Variants in NBAS observed in about 807,000 individuals in gnomAD.
NBAS encodes NAG/BC035112 fusion.
NBAS carries 219 observed loss-of-function variants against 302.5 expected under a neutral mutation model. The ratio of observed to expected loss-of-function variants is 0.72; its 90% CI spans 0.65 to 0.81. NBAS has a LOEUF of 0.81. Ranked by LOEUF, NBAS falls within the 30% of genes least tolerant of loss-of-function variation. NBAS has a pLI of 0.00. For synonymous variants in NBAS, 1,118 were observed against 1,021.6 expected, an observed-to-expected ratio of 1.09 and a Z score of -1.80; for missense variants, 2,932 against 2,841.6, an observed-to-expected ratio of 1.03 and a Z score of -0.72.
the NBAS span, among the ~76,000 whole-genome samples, chr2:14,802,806 A>G: frequency 0.54 from 72,663 of 134,128 alleles, 21,585 homozygotes; most frequent in African/African-American, 0.83. Context: ...ACCAAACACC[A>G]CATATTCTCA....
chr2:14,814,063 A>T, the NBAS span, among the ~76,000 whole-genome samples: 1 of 152,320 alleles, frequency 6.6e-6, no homozygotes, highest in African/African-American at 2.4e-5. Context: ...AGAAGGTAAG[A>T]GTTGAGGTTG....
At chr2:15,306,048 T>C (rs912444610) in intron 40 of NBAS, among the ~76,000 whole-genome samples, 1 of 152,212 alleles carries the variant, frequency 6.6e-6, no homozygotes, top group African/African-American at 2.4e-5. Context: ...TCAATGTACT[T>C]AGAGTTTTAG....
the NBAS span, among the ~76,000 whole-genome samples, chr2:15,149,376 C>T: frequency 2.0e-5 from 3 of 152,220 alleles, no homozygotes; most frequent in Admixed American, 2.0e-4. Flanking sequence ...TTAAAAATTA[C>T]CCAATCTCAG....
At chr2:15,009,693 CATATATATATATAT>C in the NBAS span, among the ~76,000 whole-genome samples, 44 of 126,572 alleles carry the variant, frequency 3.5e-4, no homozygotes, top group Non-Finnish European at 7.2e-4. Flanking sequence ...TGTAGGAATG[CATATATATATATAT>C]ATATATATAT....
At chr2:14,993,726 C>A in the NBAS span, among the ~76,000 whole-genome samples, 1 of 152,206 alleles carries the variant, frequency 6.6e-6, no homozygotes, top group African/African-American at 2.4e-5. Context: ...CTAAATCCAA[C>A]TCAAACACTC....
chr2:15,336,726 T>C (rs1343028514), intron 35 of NBAS, among the ~76,000 whole-genome samples: 1 of 150,406 alleles, frequency 6.6e-6, no homozygotes, highest in Non-Finnish European at 1.5e-5. Flanking sequence ...CAAGACTCCA[T>C]ATAGGAAAAA....
chr2:15,156,227 T>C, the NBAS span, among the ~76,000 whole-genome samples: 7 of 152,188 alleles, frequency 4.6e-5, no homozygotes, highest in Non-Finnish European at 8.8e-5. Context: ...ATAGTAGCTC[T>C]GTACAAGCCA....
the NBAS span, among the ~76,000 whole-genome samples, chr2:14,788,499 G>T: frequency 6.6e-6 from 1 of 152,044 alleles, no homozygotes; most frequent in Non-Finnish European, 1.5e-5. Context: ...ATGGGTTTTT[G>T]GTGTGGATGT....
At chr2:15,199,561 G>A (rs929611189) in intron 48 of NBAS, among the ~76,000 whole-genome samples, 8 of 152,038 alleles carry the variant, frequency 5.3e-5, no homozygotes, top group Non-Finnish European at 8.8e-5. Flanking sequence ...GAAAATTACA[G>A]GTAGTTATCA....
the NBAS span, among the ~76,000 whole-genome samples, chr2:14,945,911 T>C: frequency 6.6e-6 from 1 of 152,142 alleles, no homozygotes; most frequent in Admixed American, 6.5e-5. Flanking sequence ...TGAAACCCTG[T>C]CTCTACTAAA....
chr2:15,003,148 A>G, the NBAS span, among the ~76,000 whole-genome samples: 9 of 152,220 alleles, frequency 5.9e-5, no homozygotes, highest in African/African-American at 2.2e-4. Context: ...GGGAGAAATT[A>G]ATTTCCAGAG....
At chr2:14,960,246 CG>C in the NBAS span, among the ~76,000 whole-genome samples, 1 of 152,202 alleles carries the variant, frequency 6.6e-6, no homozygotes, top group Non-Finnish European at 1.5e-5. Flanking sequence ...TGTAGCACAG[CG>C]TTTCATCCAT....
intron 11 of NBAS, among the ~76,000 whole-genome samples, chr2:15,491,754 AG>A (rs1680866547): frequency 6.6e-6 from 1 of 151,946 alleles, no homozygotes; most frequent in African/African-American, 2.4e-5. Flanking sequence ...AAAAAAAAAA[AG>A]AAAAAGAAAA....
At chr2:14,802,133 T>C in the NBAS span, among the ~76,000 whole-genome samples, 7 of 140,480 alleles carry the variant, frequency 5.0e-5, no homozygotes, top group African/African-American at 1.9e-4. Context: ...CTAGGTTTTC[T>C]TCTAGGGTTT....
chr2:15,232,235 G>A (rs908764716), intron 47 of NBAS, among the ~76,000 whole-genome samples, 187 bp downstream of exon 47: 6 of 152,130 alleles, frequency 3.9e-5, no homozygotes, highest in Non-Finnish European at 7.3e-5. Context: ...TCCATGGCAA[G>A]CAGGACCTGG....
the NBAS span, among the ~76,000 whole-genome samples, chr2:14,793,758 C>A: frequency 6.6e-6 from 1 of 152,002 alleles, no homozygotes; most frequent in Non-Finnish European, 1.5e-5. Context: ...GAAATCTATA[C>A]CAAAATATAA....
chr2:15,396,387 A>G (rs752323745), intron 27 of NBAS, 26 bp downstream of exon 27: 3 of 1,580,660 alleles, frequency 1.9e-6, no homozygotes, highest in East Asian at 2.3e-5. Context: ...AGCATGGAGA[A>G]AAAAAAAAAC....
the NBAS span, among the ~76,000 whole-genome samples, chr2:14,809,280 C>T: frequency 6.6e-6 from 1 of 152,180 alleles, no homozygotes; most frequent in Non-Finnish European, 1.5e-5. Context: ...CAGAGGTCTT[C>T]GTGGCAGCCC....
At chr2:14,785,351 A>G in the NBAS span, among the ~76,000 whole-genome samples, 1 of 152,200 alleles carries the variant, frequency 6.6e-6, no homozygotes, top group Non-Finnish European at 1.5e-5. Flanking sequence ...AACTTCCAAC[A>G]CTATGTTGAA....
Sources: gnomAD v4.1 joint callset for allele counts (sites outside exome capture counted in the v4.1 genomes callset) on GRCh38, gnomAD v4.1.1 for gene constraint, MANE v1.5 for transcripts, NCBI Gene and HGNC (gene_info 2026-07-23, HGNC 2026-07-21) for gene names.